Variants in MARK2 observed in about 807,000 individuals in gnomAD.
MARK2 encodes microtubule affinity regulating kinase 2, also known as serine/threonine-protein kinase MARK2.
MARK2 carries 16 observed loss-of-function variants against 89.8 expected under a neutral mutation model. The ratio of observed to expected loss-of-function variants is 0.18; its 90% confidence interval spans 0.12 to 0.27. The LOEUF is 0.27. MARK2 is among the 10% of genes least tolerant of loss of function. The pLI is 1.00. For synonymous variants in MARK2, 382 were observed against 399.5 expected (o/e 0.96, Z 0.52); for missense variants, 621 against 1,049.9 (o/e 0.59, Z 5.65).
chr11:63,906,238 G>T, intron 17 of MARK2, 124 bp downstream of exon 17: 1 of 1,179,758 alleles, frequency 8.5e-7, no homozygotes, highest in African/African-American at 1.6e-5. Flanking sequence ...AAGTCTGTGT[G>T]GCCCTCCTCT....
chr11:63,882,188 CTTA>C (rs1824701345), intron 1 of MARK2, among the ~76,000 whole-genome samples: 2 of 150,020 alleles, frequency 1.3e-5, no homozygotes, highest in South Asian at 4.2e-4. Flanking sequence ...ATTCTTTTTT[CTTA>C]TTATTTTTAT....
At chr11:63,847,433 C>T (rs2016338812) in intron 1 of MARK2, among the ~76,000 whole-genome samples, 1 of 152,156 alleles carries the variant, frequency 6.6e-6, no homozygotes, top group South Asian at 2.1e-4. Flanking sequence ...TGGCTCCCAG[C>T]CACCTTTTTG....
intron 1 of MARK2, chr11:63,869,433 C>T (rs1304365742): frequency 1.9e-5 from 3 of 156,438 alleles, no homozygotes; most frequent in South Asian, 3.8e-4. Context: ...GTGCCTAGTC[C>T]GGGCTGCTCA....
At position 63,909,395 on chromosome 11, in the gene MARK2, T is replaced by TTG. The variant is rs1565154404; in HGVS notation, c.*161_*162dup. ...CCCTTCTCAGTTTTCTCTTACATGTTTGTGGGGGGTGGGAGATTGTTCTCC... is the reference window on the plus strand; with the variant it reads ...CCCTTCTCAGTTTTCTCTTACATGTTTGTGTGGGGGGTGGGAGATTGTTCTCC... On this transcript the variant is annotated 3_prime_UTR_variant, in exon 19 of 19. Transcript: ENST00000402010. 2.8e-6 allele frequency: 2 copies of TTG among 712,362 alleles called. No individual in the cohort carries two copies. The highest frequency in any genetic ancestry group is 4.3e-6 in the Non-Finnish European group (2 of 464,444). The allele number at this position is 712,362 out of a possible 1,614,324, so 44.1% of individuals were successfully genotyped here.
chr11:63,896,819 A>T (rs1463705353), intron 3 of MARK2, among the ~76,000 whole-genome samples: 3 of 152,034 alleles, frequency 2.0e-5, no homozygotes, highest in Admixed American at 2.0e-4. Flanking sequence ...CCCACAGAAG[A>T]AGTCAGCGTG....
chr11:63,845,809 A>G (rs1311573000), intron 1 of MARK2, among the ~76,000 whole-genome samples: 1 of 151,872 alleles, frequency 6.6e-6, no homozygotes, highest in African/African-American at 2.4e-5. Flanking sequence ...TGCAACCTCC[A>G]CCTACTGGGT....
chr11:63,884,682 G>A (rs767875582), intron 1 of MARK2, among the ~76,000 whole-genome samples: 1 of 152,194 alleles, frequency 6.6e-6, no homozygotes, highest in Non-Finnish European at 1.5e-5. Flanking sequence ...AGTTAATTTT[G>A]GGGGTGGGAG....
At chr11:63,888,558 A>G in intron 1 of MARK2, 1 of 1,072,464 alleles carries the variant, frequency 9.3e-7, no homozygotes, top group Non-Finnish European at 1.1e-6. Flanking sequence ...TTCCTGCCCT[A>G]TTCCCCTCCT....
intron 17 of MARK2, among the ~76,000 whole-genome samples, chr11:63,906,810 C>A (rs1941375609): frequency 6.6e-6 from 1 of 151,734 alleles, no homozygotes; most frequent in Non-Finnish European, 1.5e-5. Context: ...GAACTAGCCC[C>A]ACCCACCCGC....
intron 1 of MARK2, among the ~76,000 whole-genome samples, chr11:63,844,986 C>T (rs978728734): frequency 3.3e-5 from 5 of 152,238 alleles, no homozygotes; most frequent in Non-Finnish European, 5.9e-5. Flanking sequence ...GGCCCATTAT[C>T]GACAAATGGG....
chr11:63,865,290 G>A (rs1323768001), intron 1 of MARK2, among the ~76,000 whole-genome samples: 1 of 151,940 alleles, frequency 6.6e-6, no homozygotes, highest in East Asian at 1.9e-4. Flanking sequence ...CTCAGCTGGA[G>A]TGCAGTGGTG....
intron 1 of MARK2, among the ~76,000 whole-genome samples, chr11:63,871,149 G>A (rs961526086): frequency 1.3e-5 from 2 of 152,206 alleles, no homozygotes; most frequent in Non-Finnish European, 2.9e-5. Context: ...CGTGCATACA[G>A]AAAGTTGTTT....
In MARK2 at chr11:63,903,198, C is replaced by A; in HGVS notation, c.1514+40C>A. The A allele has an allele frequency of 1.4e-6, 2 of 1,433,096 alleles. No individual in the cohort carries two copies. Among genetic ancestry groups the A allele is most frequent in the Non-Finnish European group, 2.0e-6 (2 of 1,020,320 alleles). 88.8% of individuals were successfully genotyped at this position (1,433,096 alleles called of 1,614,324 possible). ...CCCTGCCTGCCTCACTCCCTAGGAGCCATGTCTCACAGGGTGATGTCTGTC... is the reference window on the plus strand; with the variant it reads ...CCCTGCCTGCCTCACTCCCTAGGAGACATGTCTCACAGGGTGATGTCTGTC... On this transcript the variant is annotated intron_variant, in intron 14 of 18. Transcript: ENST00000402010. The surrounding 1 kb of genome is among the most constrained non-coding windows in gnomAD (Gnocchi z 5.1).
Position 63,889,531 on chromosome 11 carries a change from G to A in MARK2, c.55-5628G>A, listed in dbSNP as rs942615881. Among the ~76,000 whole-genome samples, 15 of 152,236 alleles carry A rather than the reference G, an allele frequency of 9.9e-5. 1 individual carries two copies. Among genetic ancestry groups the A allele is most frequent in the African/African-American group, 3.4e-4 (14 of 41,470 alleles). On this transcript the variant is annotated intron_variant, in intron 1 of 18. Coordinates refer to ENST00000402010, the MANE Select transcript of MARK2 (RefSeq NM_001039469.3). ...TACCTGAGTCAGCGCCAGGCCTCTC[G>A]GGGTGGAGGCTGTCTTCCGGGCAAG...
chr11:63,902,318 T>C lies in MARK2; in HGVS notation c.1222T>C (p.Phe408Leu). Residue 408 changes from phenylalanine (F) to leucine (L), a missense_variant, in exon 12 of 19, where the codon TTC becomes CTC. Phe to Leu is a conservative substitution (Grantham distance 22). This residue lies in a region of MARK2 where 397 missense variants were observed against 567.8 expected (regional missense o/e 0.70). Coordinates refer to ENST00000402010, the MANE Select transcript of MARK2 (RefSeq NM_001039469.3). The surrounding 1 kb of genome is among the most constrained non-coding windows in gnomAD (Gnocchi z 4.2). ...SVSANPKQRRFSDQAAGPAIP... is the reference protein window; with the variant it reads ...SVSANPKQRRLSDQAAGPAIP... ...GTCGGCCAATCCCAAGCAGCGGCGC[T>C]TCAGCGACCAGGGTAAATGCTTTTG... 1.2e-6 allele frequency: 2 copies of C among 1,614,044 alleles called. No homozygotes were observed. The highest frequency in any genetic ancestry group is 1.7e-6 in the Non-Finnish European group (2 of 1,179,958).
chr11:63,869,874 C>G (rs1455556322), intron 1 of MARK2, among the ~76,000 whole-genome samples: 1 of 152,172 alleles, frequency 6.6e-6, no homozygotes, highest in Non-Finnish European at 1.5e-5. Context: ...GGCTGGAAGG[C>G]TTGTGAGCAC....
At chr11:63,861,920 C>CTTTTTT (rs202098201) in intron 1 of MARK2, among the ~76,000 whole-genome samples, 1 of 110,108 alleles carries the variant, frequency 9.1e-6, no homozygotes, top group Non-Finnish European at 1.9e-5. Flanking sequence ...TTCTTTCTTT[C>CTTTTTT]TTTCTTTTTT....
rs1244994951 is a variant in MARK2, at chr11:63,909,561, ATTT to A, written c.*328_*330del. 1 of 212,064 alleles carries A rather than the reference ATTT, an allele frequency of 4.7e-6. No individual in the cohort carries two copies. The highest frequency in any genetic ancestry group is 2.3e-5 in the African/African-American group (1 of 43,444). The allele number at this position is 212,064 out of a possible 1,614,324, so 13.1% of individuals were successfully genotyped here. On this transcript the variant is annotated 3_prime_UTR_variant, in exon 19 of 19. Transcript: ENST00000402010. ...CAGAGTATTTCGCCTAAACCAAGAA[ATTT>A]TTTATTACCAAAAAGAAAAAAGAAA... is the stretch of plus-strand genomic sequence containing the variant.
rs1292231424 is a variant in MARK2, at chr11:63,903,060, G to A, written c.1417-1G>A. On this transcript the variant is annotated splice_acceptor_variant, in intron 13 of 18. Transcript: ENST00000402010. LOFTEE classifies it high-confidence loss of function. This position sits in a 1 kb window ranked among gnomAD's most constrained non-coding sequence, Gnocchi z 5.1. ...GAACGCTTGCCCTTTATTCCCCACA[G>A]AACAGCGTCCTCTCCACCAGCACAA... The A allele has an allele frequency of 6.2e-7, 1 of 1,613,788 alleles. No homozygotes were observed. The highest frequency in any genetic ancestry group is 8.5e-7 in the Non-Finnish European group (1 of 1,179,808).
Sources: allele counts gnomAD v4.1 joint callset (sites outside exome capture counted in the v4.1 genomes callset), GRCh38; gene constraint gnomAD v4.1.1; regional missense constraint gnomAD v4.1.1; non-coding constraint Gnocchi (gnomAD v3.1); transcripts MANE v1.5; gene names NCBI Gene and HGNC (gene_info 2026-07-23, HGNC 2026-07-21).